Variants in SORCS3 observed in about 807,000 individuals in gnomAD.
SORCS3 encodes the protein sortilin related VPS10 domain containing receptor 3.
SORCS3 carries 57 observed loss-of-function variants against 146.3 expected under a neutral mutation model. The observed-to-expected ratio is 0.39, with a 90% CI of 0.31 to 0.49. The LOEUF (loss-of-function observed/expected upper bound fraction) is 0.49, where lower values mean the gene tolerates loss of function less well. Among genes scored for constraint, SORCS3 ranks in the 20% least tolerant of loss-of-function variants. The pLI is 0.92. For missense variants in SORCS3, 1,341 were observed against 1,575.5 expected (o/e 0.85, Z 2.52); for synonymous variants, 653 against 618.5 (o/e 1.06, Z -0.83).
chr10:104,742,430 G>A (rs1016913506), intron 1 of SORCS3, among the ~76,000 whole-genome samples: 2 of 152,166 alleles, frequency 1.3e-5, no homozygotes, highest in African/African-American at 4.8e-5. Context: ...AGTGTTTAAG[G>A]ATCTATGGAA....
At chr10:104,871,248 G>A (rs1431185430) in intron 2 of SORCS3, among the ~76,000 whole-genome samples, 1 of 152,208 alleles carries the variant, frequency 6.6e-6, no homozygotes, top group Non-Finnish European at 1.5e-5. Flanking sequence ...AATGCACAGG[G>A]AACAGAGGCT....
At chr10:104,830,589 G>T (rs574603945) in intron 1 of SORCS3, among the ~76,000 whole-genome samples, 94 of 152,186 alleles carry the variant, frequency 6.2e-4, no homozygotes, top group African/African-American at 1.6e-3. Context: ...TCCCTCCTCC[G>T]CCAGTCCCCA....
At chr10:104,853,968 C>A (rs896795432) in intron 2 of SORCS3, among the ~76,000 whole-genome samples, 4 of 152,092 alleles carry the variant, frequency 2.6e-5, no homozygotes, top group Admixed American at 1.3e-4. Context: ...GATGATGAAC[C>A]CGAGATTCGT....
At chr10:105,174,747 G>A (rs887085457) in intron 13 of SORCS3, among the ~76,000 whole-genome samples, 2 of 151,992 alleles carry the variant, frequency 1.3e-5, no homozygotes, top group African/African-American at 4.8e-5. Flanking sequence ...CTGCCGATCC[G>A]CTCTTTCCTC....
At chr10:105,125,233 A>G (rs937638500) in intron 7 of SORCS3, among the ~76,000 whole-genome samples, 1 of 152,136 alleles carries the variant, frequency 6.6e-6, no homozygotes, top group African/African-American at 2.4e-5. Flanking sequence ...CCTGGTTTTT[A>G]CCTCCTGGCT....
At chr10:105,233,917 A>T (rs929178225) in intron 20 of SORCS3, among the ~76,000 whole-genome samples, 2 of 152,200 alleles carry the variant, frequency 1.3e-5, no homozygotes, top group African/African-American at 4.8e-5. Flanking sequence ...TCCTTTGGGT[A>T]TATACCCAGT....
intron 1 of SORCS3, among the ~76,000 whole-genome samples, chr10:104,746,905 A>G (rs2016917896): frequency 6.6e-6 from 1 of 152,182 alleles, no homozygotes; most frequent in South Asian, 2.1e-4. Flanking sequence ...CCTGGCATCT[A>G]ATTTATGTGA....
chr10:105,236,003 A>C (rs2056791260), intron 20 of SORCS3, among the ~76,000 whole-genome samples: 4 of 152,148 alleles, frequency 2.6e-5, no homozygotes, highest in Admixed American at 2.6e-4. Context: ...ACTTATATTT[A>C]GCATGGGTTG....
At chr10:104,820,733 C>T (rs1371596882) in intron 1 of SORCS3, among the ~76,000 whole-genome samples, 2 of 152,152 alleles carry the variant, frequency 1.3e-5, no homozygotes, top group Non-Finnish European at 2.9e-5. Flanking sequence ...AATAAAGAGA[C>T]TCAACACTTG....
At chr10:104,915,667 A>T (rs995161646) in intron 2 of SORCS3, among the ~76,000 whole-genome samples, 166 bp from the exon 3 acceptor site, 1 of 152,194 alleles carries the variant, frequency 6.6e-6, no homozygotes, top group Non-Finnish European at 1.5e-5. Context: ...CAGGTGCATT[A>T]GTCTAATTGC....
At chr10:104,825,920 C>T (rs542994597) in intron 1 of SORCS3, among the ~76,000 whole-genome samples, 1 of 152,270 alleles carries the variant, frequency 6.6e-6, no homozygotes, top group East Asian at 1.9e-4. Flanking sequence ...AACAGCATTG[C>T]GTTTTCATTT....
chr10:105,207,461 ATG>A (rs1300578081), intron 16 of SORCS3, among the ~76,000 whole-genome samples: 2 of 152,076 alleles, frequency 1.3e-5, no homozygotes, highest in African/African-American at 4.8e-5. Flanking sequence ...TTGAAGGAAA[ATG>A]TGTGTGTGTT....
chr10:104,656,465 A>C (rs2015631976), intron 1 of SORCS3, among the ~76,000 whole-genome samples: 1 of 152,168 alleles, frequency 6.6e-6, no homozygotes, highest in African/African-American at 2.4e-5. Context: ...GAGAGGCAAC[A>C]TGGAGAAACT....
chr10:104,946,717 G>C (rs573014083), intron 3 of SORCS3, among the ~76,000 whole-genome samples: 3 of 152,128 alleles, frequency 2.0e-5, no homozygotes, highest in African/African-American at 4.8e-5. Context: ...CCTCCCTGTG[G>C]GTATGAAGTT....
intron 7 of SORCS3, among the ~76,000 whole-genome samples, chr10:105,136,789 A>G (rs1283130683): frequency 6.6e-6 from 1 of 152,188 alleles, no homozygotes; most frequent in Non-Finnish European, 1.5e-5. Context: ...GGGAGATACT[A>G]CAGTATCAGA....
chr10:104,927,101 A>G (rs1409393521), intron 3 of SORCS3, among the ~76,000 whole-genome samples: 3 of 152,070 alleles, frequency 2.0e-5, no homozygotes, highest in South Asian at 4.1e-4. Context: ...TGAAGTTTTT[A>G]TGTGTCTGTA....
At chr10:104,742,332 G>A (rs1284930682) in intron 1 of SORCS3, among the ~76,000 whole-genome samples, 1 of 152,190 alleles carries the variant, frequency 6.6e-6, no homozygotes, top group Non-Finnish European at 1.5e-5. Flanking sequence ...TGGGTGACAA[G>A]TCATAACCTT....
chr10:105,189,278 G>T (rs2056498451), intron 14 of SORCS3, among the ~76,000 whole-genome samples: 1 of 152,166 alleles, frequency 6.6e-6, no homozygotes, highest in Non-Finnish European at 1.5e-5. Flanking sequence ...GCATAGTTAA[G>T]CTGTCTCTGG....
intron 7 of SORCS3, among the ~76,000 whole-genome samples, chr10:105,130,479 G>A (rs1210426121): frequency 6.6e-6 from 1 of 152,094 alleles, no homozygotes; most frequent in South Asian, 2.1e-4. Context: ...GGTACAAGAA[G>A]TTGCTCGGCA....
Sources: gnomAD v4.1 joint callset for allele counts (sites outside exome capture counted in the v4.1 genomes callset) on GRCh38, gnomAD v4.1.1 for gene constraint, MANE v1.5 for transcripts, NCBI Gene and HGNC (gene_info 2026-07-23, HGNC 2026-07-21) for gene names.